Variants in ROBO2 observed in about 807,000 individuals in gnomAD.
The protein encoded by ROBO2 is roundabout homolog 2.
A neutral mutation model predicts 160.8 loss-of-function variants in ROBO2; 53 were observed. That is an observed-to-expected ratio of 0.33 (90% CI 0.26 to 0.41). ROBO2 has a LOEUF of 0.41. Ranked by LOEUF, ROBO2 falls within the 10% of genes least tolerant of loss-of-function variation. ROBO2 has a pLI of 1.00. For synonymous variants in ROBO2, 664 were observed against 611.7 expected, an observed-to-expected ratio of 1.09 and a Z score of -1.26; for missense variants, 1,577 against 1,722.4, an observed-to-expected ratio of 0.92 and a Z score of 1.49.
At chr3:75,934,970 G>T (rs1976659) in intron 1 of ROBO2, among the ~76,000 whole-genome samples, 1 of 151,878 alleles carries the variant, frequency 6.6e-6, no homozygotes, top group South Asian at 2.1e-4. Context: ...TGGATATTTT[G>T]ATACTAAGTG....
chr3:76,036,230 A>G (rs1227289173), intron 2 of ROBO2, among the ~76,000 whole-genome samples: 1 of 151,932 alleles, frequency 6.6e-6, no homozygotes, highest in Non-Finnish European at 1.5e-5. Flanking sequence ...GCTCACTGCA[A>G]CCGCCGCCTC....
chr3:76,955,795 GT>G (rs1487593259), intron 2 of ROBO2, among the ~76,000 whole-genome samples: 1 of 151,612 alleles, frequency 6.6e-6, no homozygotes, highest in East Asian at 1.9e-4. Context: ...AGGCATGGTG[GT>G]GGGTGCCTGT....
chr3:77,129,648 C>T (rs768840294), intron 2 of ROBO2, among the ~76,000 whole-genome samples: 11 of 152,118 alleles, frequency 7.2e-5, no homozygotes, highest in Admixed American at 4.6e-4. Flanking sequence ...GTGCAACGTG[C>T]GGTCGGGTGT....
At chr3:76,472,100 TGCGCGTGTGC>T (rs1255190789) in intron 2 of ROBO2, among the ~76,000 whole-genome samples, 2 of 111,018 alleles carry the variant, frequency 1.8e-5, no homozygotes, top group African/African-American at 7.2e-5. Context: ...TGTGTGTGTG[TGCGCGTGTGC>T]GTGCGCATGT....
At chr3:77,291,012 T>G (rs1214617390) in intron 2 of ROBO2, among the ~76,000 whole-genome samples, 3 of 147,162 alleles carry the variant, frequency 2.0e-5, no homozygotes. Flanking sequence ...TGAGGCTAGA[T>G]CACCCCAGAC....
At chr3:77,193,703 C>T (rs868793873) in intron 2 of ROBO2, among the ~76,000 whole-genome samples, 1 of 152,020 alleles carries the variant, frequency 6.6e-6, no homozygotes, top group Admixed American at 6.6e-5. Context: ...ATTATATCAT[C>T]CCTCTGGTTT....
chr3:76,752,748 GATGCATTAAAGAGTTGAAT>G (rs1442417332), intron 2 of ROBO2, among the ~76,000 whole-genome samples: 3 of 151,810 alleles, frequency 2.0e-5, no homozygotes, highest in Non-Finnish European at 4.4e-5. Context: ...TTTACTAAAG[GATGCATTAAAGAGTTGAAT>G]ATGCTAATTT....
intron 2 of ROBO2, among the ~76,000 whole-genome samples, chr3:76,995,719 TC>T (rs1259992977): frequency 4.6e-5 from 7 of 152,250 alleles, no homozygotes; most frequent in African/African-American, 1.7e-4. Context: ...GAGCATTTTT[TC>T]ATGTGTCTTT....
At chr3:76,579,786 C>A (rs1421479447) in intron 2 of ROBO2, among the ~76,000 whole-genome samples, 1,268 of 106,410 alleles carry the variant, frequency 0.012, no homozygotes, top group African/African-American at 0.017. Flanking sequence ...GGTTGAGTTA[C>A]AAAAAAAAAA....
At chr3:77,413,683 A>G (rs1443746263) in intron 2 of ROBO2, among the ~76,000 whole-genome samples, 1 of 152,212 alleles carries the variant, frequency 6.6e-6, no homozygotes, top group African/African-American at 2.4e-5. Context: ...TGTATTTTCA[A>G]ATCAAAACCG....
intron 2 of ROBO2, among the ~76,000 whole-genome samples, chr3:76,255,839 T>G (rs768716156): frequency 3.3e-5 from 5 of 151,998 alleles, no homozygotes; most frequent in African/African-American, 4.8e-5. Flanking sequence ...GTTATTTAGG[T>G]TGAGATCAAC....
intron 2 of ROBO2, among the ~76,000 whole-genome samples, chr3:75,995,672 T>A (rs2065707079): frequency 6.6e-6 from 1 of 151,804 alleles, no homozygotes; most frequent in South Asian, 2.1e-4. Context: ...GAATGGTAGA[T>A]CCACCGATAG....
At chr3:76,223,563 C>T (rs1704108362) in intron 2 of ROBO2, among the ~76,000 whole-genome samples, 1 of 152,144 alleles carries the variant, frequency 6.6e-6, no homozygotes, top group African/African-American at 2.4e-5. Context: ...CCCATCCCAG[C>T]TTATAGGTTT....
chr3:76,067,747 C>A (rs150592570), intron 2 of ROBO2, among the ~76,000 whole-genome samples: 59 of 152,190 alleles, frequency 3.9e-4, no homozygotes, highest in African/African-American at 1.3e-3. Context: ...AACTACAATA[C>A]CCTCTAGTGT....
At chr3:76,208,813 A>G (rs1702965649) in intron 2 of ROBO2, among the ~76,000 whole-genome samples, 1 of 152,120 alleles carries the variant, frequency 6.6e-6, no homozygotes, top group Non-Finnish European at 1.5e-5. Context: ...TGGCACGGAC[A>G]TCTACCTAGC....
At chr3:77,291,755 C>A (rs2061301463) in intron 2 of ROBO2, among the ~76,000 whole-genome samples, 1 of 149,766 alleles carries the variant, frequency 6.7e-6, no homozygotes, top group South Asian at 2.1e-4. Context: ...GGCTAGATCA[C>A]CCAGACATAA....
chr3:75,922,747 C>A (rs184602842), intron 1 of ROBO2, among the ~76,000 whole-genome samples: 118 of 152,146 alleles, frequency 7.8e-4, no homozygotes, highest in African/African-American at 2.7e-3. Context: ...CCCTTATTTT[C>A]TCTGAAAGTT....
intron 2 of ROBO2, among the ~76,000 whole-genome samples, chr3:76,531,094 A>G (rs1302374610): frequency 6.6e-6 from 1 of 152,242 alleles, no homozygotes; most frequent in Non-Finnish European, 1.5e-5. Context: ...TTCTACTGAA[A>G]ATAAGATAGG....
chr3:76,215,706 G>A lies in ROBO2; in HGVS notation c.109+278104G>A, dbSNP rs533905996. ...TAATTGGTGTACCTGAAAGTGATGG[G>A]GAGAATGGAACCAAGTTGGAAAACT... On this transcript the variant is annotated intron_variant, in intron 2 of 26. Transcript: ENST00000487694. Among the ~76,000 whole-genome samples, 10 of 152,286 alleles carry A rather than the reference G, an allele frequency of 6.6e-5. No individual in the cohort carries two copies. The South Asian group carries it at 1.9e-3, about 28-fold the overall frequency.
Sources: gnomAD v4.1 joint callset for allele counts (sites outside exome capture counted in the v4.1 genomes callset) on GRCh38, gnomAD v4.1.1 for gene constraint, MANE v1.5 for transcripts, NCBI Gene and HGNC (gene_info 2026-07-23, HGNC 2026-07-21) for gene names.